Variants in GNG2 observed in about 807,000 individuals in gnomAD.
GNG2 encodes G protein subunit gamma 2, also known as guanine nucleotide-binding protein G(I)/G(S)/G(O) subunit gamma-2.
GNG2 carries 5 observed loss-of-function variants against 5.5 expected under a neutral mutation model. The observed-to-expected ratio is 0.91, with a 90% CI of 0.48 to 1.92. The LOEUF (loss-of-function observed/expected upper bound fraction) is 1.92. Among genes scored for constraint, GNG2 ranks in the 30% most tolerant of loss-of-function variants. The pLI is 0.01. For missense variants in GNG2, 55 were observed against 88.4 expected (o/e 0.62, Z 1.52); for synonymous variants, 28 against 32.0 (o/e 0.88, Z 0.42).
chr14:51,910,060 A>G (rs1437295345), intron 2 of GNG2, among the ~76,000 whole-genome samples: 1 of 152,242 alleles, frequency 6.6e-6, no homozygotes, highest in Non-Finnish European at 1.5e-5. Context: ...GATAAGCCCT[A>G]TGTATGTAAT....
At chr14:51,906,473 T>C (rs1393283523) in intron 2 of GNG2, among the ~76,000 whole-genome samples, 34 of 152,206 alleles carry the variant, frequency 2.2e-4, no homozygotes, top group Admixed American at 2.2e-3. Flanking sequence ...CATTATATCT[T>C]AGTGAAGAAT....
intron 2 of GNG2, among the ~76,000 whole-genome samples, chr14:51,852,487 A>G (rs1881953114): frequency 6.6e-6 from 1 of 152,258 alleles, no homozygotes; most frequent in African/African-American, 2.4e-5. Context: ...GTAAATGTGC[A>G]ATGATAATAC....
At chr14:51,893,431 A>C (rs1163012574) in intron 2 of GNG2, among the ~76,000 whole-genome samples, 1 of 152,034 alleles carries the variant, frequency 6.6e-6, no homozygotes, top group Non-Finnish European at 1.5e-5. Context: ...TGTTTTTATA[A>C]GGTTATTTGA....
intron 2 of GNG2, among the ~76,000 whole-genome samples, chr14:51,831,096 T>C (rs1483048953): frequency 6.6e-6 from 1 of 152,212 alleles, no homozygotes; most frequent in Non-Finnish European, 1.5e-5. Flanking sequence ...ACTGAAATGC[T>C]CCTCCTCCAG....
chr14:51,837,711 C>G (rs947630181), intron 2 of GNG2, among the ~76,000 whole-genome samples: 1 of 151,044 alleles, frequency 6.6e-6, no homozygotes, highest in Non-Finnish European at 1.5e-5. Flanking sequence ...GGTTTTTTAA[C>G]TTGTTAATGA....
intron 2 of GNG2, among the ~76,000 whole-genome samples, chr14:51,942,601 T>TCTTTC (rs1277558601): frequency 1.9e-4 from 3 of 15,388 alleles, no homozygotes; most frequent in East Asian, 8.9e-4. Context: ...TTTTTTTTTT[T>TCTTTC]TTTTTAGAGA....
In GNG2 at chr14:51,870,219, G is replaced by A. The variant is rs907254089; in HGVS notation, c.-70-7398G>A. ...TTTTGGCTATATAACAAACCTGCAC[G>A]TGTACCCCTGAACCTAAAAGAAAAT... On this transcript the variant is annotated intron_variant, in intron 1 of 3. Transcript: ENST00000556766. Among the ~76,000 whole-genome samples, 7 of 151,614 alleles carry A rather than the reference G, an allele frequency of 4.6e-5. No individual in the cohort carries two copies. In the East Asian group the frequency reaches 7.7e-4, roughly 17 times the overall value.
upstream of GNG2, among the ~76,000 whole-genome samples, chr14:51,856,901 A>AAT (rs910577833): frequency 8.5e-5 from 13 of 152,108 alleles, no homozygotes; most frequent in Non-Finnish European, 1.8e-4. Context: ...AAATTTGCAA[A>AAT]ATATATATAT....
At chr14:51,888,288 T>C (rs2140154597) in intron 2 of GNG2, among the ~76,000 whole-genome samples, 1 of 152,110 alleles carries the variant, frequency 6.6e-6, no homozygotes, top group Non-Finnish European at 1.5e-5. Flanking sequence ...ATAGTAGCAA[T>C]TACTCAATTA....
intron 2 of GNG2, among the ~76,000 whole-genome samples, chr14:51,933,512 T>C (rs1185268253): frequency 2.6e-5 from 4 of 152,246 alleles, no homozygotes; most frequent in Non-Finnish European, 4.4e-5. Flanking sequence ...TGTTGCTTTT[T>C]ATTTTTTTAA....
chr14:51,941,908 A>G (rs1888336807), intron 2 of GNG2, among the ~76,000 whole-genome samples: 1 of 152,224 alleles, frequency 6.6e-6, no homozygotes, highest in Admixed American at 6.5e-5. Flanking sequence ...ATTATTCTTC[A>G]GTCTGGAATT....
At chr14:51,948,427 C>T (rs11624779) in intron 2 of GNG2, among the ~76,000 whole-genome samples, 1 of 151,656 alleles carries the variant, frequency 6.6e-6, no homozygotes, top group Non-Finnish European at 1.5e-5. Context: ...GCATTCCAGC[C>T]AGATGAATGA....
intron 2 of GNG2, chr14:51,916,655 C>T: frequency 2.6e-6 from 1 of 381,648 alleles, no homozygotes; most frequent in Non-Finnish European, 5.1e-6. Context: ...GCCTACCTGC[C>T]TGCGGTGTGG....
At chr14:51,862,063 C>T (rs575429606) in intron 1 of GNG2, among the ~76,000 whole-genome samples, 16 of 152,254 alleles carry the variant, frequency 1.1e-4, no homozygotes, top group African/African-American at 3.9e-4. Context: ...TATGCCTCCT[C>T]CTTTATCATC....
chr14:51,863,456 GAAAAGTTAGC>G (rs1882661379), intron 1 of GNG2, among the ~76,000 whole-genome samples: 1 of 152,142 alleles, frequency 6.6e-6, no homozygotes, highest in East Asian at 1.9e-4. Flanking sequence ...GTGGCATAAG[GAAAAGTTAGC>G]ATATTCTTGG....
At chr14:51,966,239 A>C (rs1380980751) in intron 3 of GNG2, among the ~76,000 whole-genome samples, 2 of 149,580 alleles carry the variant, frequency 1.3e-5, no homozygotes, top group African/African-American at 4.9e-5. Context: ...AAAAAAAAAC[A>C]AATGAAGGAG....
chr14:51,919,820 G>C (rs566241521), intron 2 of GNG2, among the ~76,000 whole-genome samples: 51 of 152,220 alleles, frequency 3.4e-4, no homozygotes, highest in African/African-American at 1.2e-3. Flanking sequence ...CTGAGGCTTT[G>C]GTATAAGTTT....
At chr14:51,848,954 A>G (rs1303163339) in intron 2 of GNG2, among the ~76,000 whole-genome samples, 1 of 152,230 alleles carries the variant, frequency 6.6e-6, no homozygotes, top group African/African-American at 2.4e-5. Context: ...ACTGGGTACT[A>G]TACAAGTTAT....
At chr14:51,839,106 A>G (rs1225498775) in intron 2 of GNG2, among the ~76,000 whole-genome samples, 1 of 152,206 alleles carries the variant, frequency 6.6e-6, no homozygotes, top group African/African-American at 2.4e-5. Flanking sequence ...GACAGGTCTT[A>G]GTCAATTTAG....
Sources: gnomAD v4.1 joint callset for allele counts (sites outside exome capture counted in the v4.1 genomes callset) on GRCh38, gnomAD v4.1.1 for gene constraint, MANE v1.5 for transcripts, NCBI Gene and HGNC (gene_info 2026-07-23, HGNC 2026-07-21) for gene names.